The following HNRNPA1L2 variants were observed in gnomAD, a reference collection of about 807,000 sequenced individuals.
HNRNPA1L2 encodes heterogeneous nuclear ribonucleoprotein A1-like 2.
Under a neutral mutation model 18.2 loss-of-function variants are expected in HNRNPA1L2, and 10 were observed. The observed-to-expected ratio is 0.55, with a 90% confidence interval of 0.34 to 0.93. HNRNPA1L2 has a LOEUF of 0.93. HNRNPA1L2 is among the 40% of genes least tolerant of loss of function. HNRNPA1L2 has a pLI of 0.02. For missense variants in HNRNPA1L2, 308 were observed against 394.4 expected, an observed-to-expected ratio of 0.78 and a Z score of 1.85; for synonymous variants, 124 against 138.6, an observed-to-expected ratio of 0.89 and a Z score of 0.74.
upstream of HNRNPA1L2, chr13:52,641,859 A>G (rs1188352460): frequency 6.6e-6 from 1 of 152,206 alleles, no homozygotes; most frequent in Non-Finnish European, 1.5e-5. Flanking sequence ...ACTCAAAATT[A>G]TTAAATAATA....
At chr13:52,632,696 TG>T in the HNRNPA1L2 span, among the ~76,000 whole-genome samples, 1 of 152,202 alleles carries the variant, frequency 6.6e-6, no homozygotes, top group Non-Finnish European at 1.5e-5. Context: ...AAGAATAATT[TG>T]GGCAAGACCA....
At chr13:52,632,307 T>G in the HNRNPA1L2 span, 1 of 152,232 alleles carries the variant, frequency 6.6e-6, no homozygotes, top group African/African-American at 2.4e-5. Flanking sequence ...TTAGCTAAGA[T>G]GTTTGATGTA....
chr13:52,639,878 T>TTTTTTTTTG (rs1961592823), upstream of HNRNPA1L2, among the ~76,000 whole-genome samples: 1 of 105,892 alleles, frequency 9.4e-6, no homozygotes, highest in African/African-American at 3.4e-5. Flanking sequence ...TTGTTCTTGT[T>TTTTTTTTTG]TTTTTTTTTT....
rs1467746040 is a variant in HNRNPA1L2 at position 52,643,250 on chromosome 13, A to G, written c.758A>G (p.Asn253Ser). 9 of 1,594,326 alleles carry G rather than the reference A, an allele frequency of 5.6e-6. No individual in the cohort carries two copies. Among genetic ancestry groups the G allele is most frequent in the South Asian group, 3.3e-5 (3 of 90,934 alleles). ...GYNGFGNDGS[N>S]FGGGGSYNDF... The stretch of plus-strand genomic sequence containing the variant: ...AATGGATTTGGTAATGATGGAAGCA[A>G]TTTTGGAGGTGGTGGAAGCTACAAT... Residue 253 changes from asparagine (N) to serine (S), a missense_variant, in exon 1 of 1, where the codon AAT becomes AGT. Physicochemically the swap from Asn to Ser is conservative, Grantham distance 46. Transcript: ENST00000357495.
chr13:52,628,589 A>ATAGG, the HNRNPA1L2 span, among the ~76,000 whole-genome samples: 4 of 152,242 alleles, frequency 2.6e-5, no homozygotes, highest in Non-Finnish European at 5.9e-5. Flanking sequence ...AATATAGGTG[A>ATAGG]TAGGCATACA....
At chr13:52,625,062 G>C in the HNRNPA1L2 span, among the ~76,000 whole-genome samples, 1 of 151,020 alleles carries the variant, frequency 6.6e-6, no homozygotes, top group East Asian at 1.9e-4. Context: ...AAGGGGAAAA[G>C]TATGTATTCA....
the HNRNPA1L2 span, chr13:52,629,172 G>C: frequency 6.5e-6 from 1 of 153,974 alleles, no homozygotes; most frequent in African/African-American, 2.4e-5. Flanking sequence ...CACCGATCCT[G>C]GCTGTAGCTG....
Position 52,642,461 on chromosome 13 carries a change from G to T in HNRNPA1L2, c.-32G>T, listed in dbSNP as rs1446348096. On this transcript the variant is annotated 5_prime_UTR_variant, in exon 1 of 1. Coordinates refer to ENST00000357495, the MANE Select transcript of HNRNPA1L2 (RefSeq NM_001389320.1). Reference sequence around the variant, plus strand: ...TCTGCCCGTGGACGCCGCTGAAGAAGCATCGTTAAAGTCTCTCTTCACCTT... The same window carrying T: ...TCTGCCCGTGGACGCCGCTGAAGAATCATCGTTAAAGTCTCTCTTCACCTT... 1 of 1,609,628 alleles carries T rather than the reference G, an allele frequency of 6.2e-7. No homozygotes were observed. The highest frequency in any genetic ancestry group is 2.2e-5 in the East Asian group (1 of 44,874).
At chr13:52,620,752 A>G in the HNRNPA1L2 span, among the ~76,000 whole-genome samples, 1 of 152,016 alleles carries the variant, frequency 6.6e-6, no homozygotes, top group Non-Finnish European at 1.5e-5. Context: ...TTCTACAAAA[A>G]ATTAGTCCCA....
Position 52,642,971 on chromosome 13 carries a change from A to G in HNRNPA1L2, c.479A>G (p.Asp160Gly). 1 of 1,597,360 alleles carries G rather than the reference A, an allele frequency of 6.3e-7. No individual in the cohort carries two copies. The highest frequency in any genetic ancestry group is 1.1e-5 in the South Asian group (1 of 90,990). The change falls in exon 1 of 1, where the codon GAT becomes GGT. Residue 160 changes from aspartate to glycine, a missense_variant. Transcript: ENST00000357495. Reference protein sequence around the residue: ...FVTFDDHDSVDKIVIQKYHTV... With the variant: ...FVTFDDHDSVGKIVIQKYHTV... The stretch of plus-strand genomic sequence containing the variant: ...ACCTTTGACGACCATGACTCCGTGG[A>G]TAAGATTGTCATTCAGAAATACCAT...
the HNRNPA1L2 span, among the ~76,000 whole-genome samples, chr13:52,636,371 C>T: frequency 2.0e-5 from 3 of 152,132 alleles, no homozygotes; most frequent in African/African-American, 7.2e-5. Context: ...GATGTTTGTA[C>T]CATTTTACGT....
the HNRNPA1L2 span, among the ~76,000 whole-genome samples, chr13:52,630,590 G>A: frequency 6.6e-6 from 1 of 152,226 alleles, no homozygotes; most frequent in East Asian, 1.9e-4. Flanking sequence ...TTTATAGCAG[G>A]ATATGCTCAC....
chr13:52,637,444 C>CAGGTAAGTGTTA (rs1566161314), upstream of HNRNPA1L2: 1 of 257,278 alleles, frequency 3.9e-6, no homozygotes, highest in Non-Finnish European at 7.7e-6. Context: ...AATAATGAAG[C>CAGGTAAGTGTTA]AGGTAAGTGT....
the HNRNPA1L2 span, among the ~76,000 whole-genome samples, chr13:52,622,739 C>T: frequency 2.8e-3 from 425 of 152,300 alleles, 3 homozygotes; most frequent in African/African-American, 9.3e-3. Context: ...AATAACTATC[C>T]GTGCTTTCAG....
chr13:52,627,994 C>T, the HNRNPA1L2 span, among the ~76,000 whole-genome samples: 2 of 151,976 alleles, frequency 1.3e-5, no homozygotes, highest in Admixed American at 6.6e-5. Flanking sequence ...TTTAAGCTGA[C>T]ATCTTTCCAC....
chr13:52,638,960 C>T (rs568028779), upstream of HNRNPA1L2, among the ~76,000 whole-genome samples: 3 of 152,240 alleles, frequency 2.0e-5, no homozygotes, highest in South Asian at 2.1e-4. Flanking sequence ...ATATTTTCCA[C>T]GAGATCAGTA....
the HNRNPA1L2 span, among the ~76,000 whole-genome samples, chr13:52,619,777 C>T: frequency 4.0e-4 from 61 of 151,846 alleles, no homozygotes; most frequent in African/African-American, 1.4e-3. Context: ...AAAAATTAGC[C>T]GGGCGTGGTG....
upstream of HNRNPA1L2, among the ~76,000 whole-genome samples, chr13:52,640,116 ATT>A (rs1356795146): frequency 6.6e-6 from 1 of 151,844 alleles, no homozygotes; most frequent in South Asian, 2.1e-4. Context: ...AGATGTGTGT[ATT>A]TTTGTAGAAA....
the HNRNPA1L2 span, among the ~76,000 whole-genome samples, chr13:52,632,145 A>C: frequency 6.6e-6 from 1 of 152,214 alleles, no homozygotes; most frequent in Non-Finnish European, 1.5e-5. Flanking sequence ...TTAATATAAA[A>C]GGGAACAAAT....
Sources: gnomAD v4.1 joint callset for allele counts (sites outside exome capture counted in the v4.1 genomes callset) on GRCh38, gnomAD v4.1.1 for gene constraint, MANE v1.5 for transcripts, NCBI Gene and HGNC (gene_info 2026-07-23, HGNC 2026-07-21) for gene names.